The following HSD17B12 variants were observed in gnomAD, a reference collection of about 807,000 sequenced individuals.
HSD17B12 encodes the protein very-long-chain 3-oxoacyl-CoA reductase.
HSD17B12 carries 32 observed loss-of-function variants against 39.3 expected under a neutral mutation model. The observed-to-expected ratio is 0.81, with a 90% CI of 0.61 to 1.09. HSD17B12 has a LOEUF of 1.09. Ranked by LOEUF, HSD17B12 falls within the 50% of genes least tolerant of loss-of-function variation. The pLI is 0.00. For missense variants in HSD17B12, 342 were observed against 382.9 expected, an observed-to-expected ratio of 0.89 and a Z score of 0.89; for synonymous variants, 150 against 146.7, an observed-to-expected ratio of 1.02 and a Z score of -0.16.
intron 3 of HSD17B12, among the ~76,000 whole-genome samples, chr11:43,783,602 C>A (rs942516921): frequency 6.6e-6 from 1 of 151,770 alleles, no homozygotes; most frequent in African/African-American, 2.4e-5. Context: ...GTGTGATGCG[C>A]CCTTCCCTGT....
At chr11:43,805,177 A>G (rs748647039) in intron 4 of HSD17B12, among the ~76,000 whole-genome samples, 1 of 152,254 alleles carries the variant, frequency 6.6e-6, no homozygotes. Flanking sequence ...CTTTAGAAAT[A>G]CATAATGCTA....
intron 4 of HSD17B12, among the ~76,000 whole-genome samples, chr11:43,814,980 A>G (rs1313361725): frequency 2.0e-5 from 3 of 152,200 alleles, no homozygotes; most frequent in African/African-American, 7.2e-5. Context: ...AATGCGATGC[A>G]TATTGTACAT....
At chr11:43,621,127 T>G in the HSD17B12 span, among the ~76,000 whole-genome samples, 1 of 152,208 alleles carries the variant, frequency 6.6e-6, no homozygotes, top group African/African-American at 2.4e-5. Flanking sequence ...TATGGCTGCA[T>G]GGGCCAACCA....
chr11:43,768,603 G>A (rs1198769370), intron 3 of HSD17B12, among the ~76,000 whole-genome samples: 1 of 152,178 alleles, frequency 6.6e-6, no homozygotes, highest in Non-Finnish European at 1.5e-5. Flanking sequence ...TATTCCTTCT[G>A]GTGGGTTCAT....
the HSD17B12 span, among the ~76,000 whole-genome samples, chr11:43,565,401 G>A: frequency 9.2e-5 from 14 of 152,260 alleles, no homozygotes; most frequent in Middle Eastern, 6.8e-3. Context: ...TTAAGGAGAG[G>A]TGCATCCTGT....
the HSD17B12 span, among the ~76,000 whole-genome samples, chr11:43,642,965 C>T: frequency 2.0e-5 from 3 of 151,958 alleles, no homozygotes; most frequent in Non-Finnish European, 4.4e-5. Context: ...TTACTAAATA[C>T]GTATCTTTCC....
At chr11:43,580,281 A>G in the HSD17B12 span, among the ~76,000 whole-genome samples, 1 of 149,634 alleles carries the variant, frequency 6.7e-6, no homozygotes, top group Admixed American at 6.7e-5. Flanking sequence ...CCTCCCGCAG[A>G]AGGTGGAATC....
chr11:43,661,729 G>A, the HSD17B12 span, among the ~76,000 whole-genome samples: 1 of 152,084 alleles, frequency 6.6e-6, no homozygotes, highest in African/African-American at 2.4e-5. Context: ...ATTTATAATA[G>A]CTAAATACTT....
At chr11:43,788,036 A>C (rs992849012) in intron 3 of HSD17B12, among the ~76,000 whole-genome samples, 6 of 152,208 alleles carry the variant, frequency 3.9e-5, no homozygotes, top group Non-Finnish European at 2.9e-5. Context: ...GCATTTTTAA[A>C]ATAAAGGTAC....
chr11:43,589,005 ATTT>A, the HSD17B12 span, among the ~76,000 whole-genome samples: 2 of 133,774 alleles, frequency 1.5e-5, no homozygotes, highest in Non-Finnish European at 3.5e-5. Flanking sequence ...TATTATTATT[ATTT>A]TGATGGGGAG....
At chr11:43,569,680 G>C in the HSD17B12 span, 1 of 152,564 alleles carries the variant, frequency 6.6e-6, no homozygotes, top group African/African-American at 2.4e-5. Flanking sequence ...GGGGAGGGGA[G>C]AGCCTGGAAA....
the HSD17B12 span, among the ~76,000 whole-genome samples, chr11:43,638,870 T>A: frequency 2.0e-5 from 3 of 152,302 alleles, no homozygotes; most frequent in East Asian, 5.8e-4. Flanking sequence ...CTTTGCTACA[T>A]TCCTTGACAG....
chr11:43,803,931 C>T (rs6485464), intron 4 of HSD17B12, among the ~76,000 whole-genome samples: 99,770 of 152,046 alleles, frequency 0.66, 33,060 homozygotes, highest in East Asian at 0.75. Context: ...GTGTGATTAC[C>T]GTAATGCTTA....
chr11:43,588,672 G>C, the HSD17B12 span, among the ~76,000 whole-genome samples: 3 of 147,954 alleles, frequency 2.0e-5, no homozygotes, highest in Non-Finnish European at 3.0e-5. Flanking sequence ...ACATAGCAAT[G>C]TCATACAAGG....
the HSD17B12 span, among the ~76,000 whole-genome samples, chr11:43,619,112 A>G: frequency 6.8e-6 from 1 of 146,888 alleles, no homozygotes; most frequent in Non-Finnish European, 1.5e-5. Flanking sequence ...CATAGTTCCA[A>G]AATGAATTTA....
the HSD17B12 span, among the ~76,000 whole-genome samples, chr11:43,621,954 G>T: frequency 3.3e-4 from 50 of 152,128 alleles, 1 homozygote; most frequent in Admixed American, 1.3e-4. Context: ...AATCCACACC[G>T]AATGGTCTCA....
chr11:43,680,617 G>A (rs914733576), upstream of HSD17B12: 18 of 578,930 alleles, frequency 3.1e-5, no homozygotes, highest in Non-Finnish European at 5.3e-5. Context: ...AGTGGAACTG[G>A]AGTCAGCTAA....
At chr11:43,666,370 A>G in the HSD17B12 span, among the ~76,000 whole-genome samples, 1 of 151,988 alleles carries the variant, frequency 6.6e-6, no homozygotes, top group South Asian at 2.1e-4. Flanking sequence ...CCGCCCAGGT[A>G]ACTTTTATTT....
intron 1 of HSD17B12, among the ~76,000 whole-genome samples, chr11:43,730,332 G>T (rs1329981674): frequency 6.6e-6 from 1 of 152,112 alleles, no homozygotes; most frequent in East Asian, 1.9e-4. Flanking sequence ...CCTTTAAAAA[G>T]ATTTATCTGG....
Sources: gnomAD v4.1 joint callset for allele counts (sites outside exome capture counted in the v4.1 genomes callset) on GRCh38, gnomAD v4.1.1 for gene constraint, MANE v1.5 for transcripts, NCBI Gene and HGNC (gene_info 2026-07-23, HGNC 2026-07-21) for gene names.